Variants in CNTN5 observed in about 807,000 individuals in gnomAD.
The protein encoded by CNTN5 is contactin 5.
Under a neutral mutation model 129.1 loss-of-function variants are expected in CNTN5, and 77 were observed. The observed-to-expected ratio is 0.60, with a 90% CI of 0.50 to 0.72. The LOEUF is 0.72. Ranked by LOEUF, CNTN5 falls within the 30% of genes least tolerant of loss-of-function variation. The probability of loss-of-function intolerance (pLI) is 0.00; values close to 1 mark genes in which losing one functional copy is unlikely to be tolerated. For synonymous variants in CNTN5, 509 were observed against 465.6 expected (o/e 1.09, Z -1.20); for missense variants, 1,478 against 1,328.8 (o/e 1.11, Z -1.75).
intron 3 of CNTN5, among the ~76,000 whole-genome samples, chr11:99,580,894 T>G (rs550910319): frequency 7.0e-6 from 1 of 142,462 alleles, no homozygotes; most frequent in Non-Finnish European, 1.5e-5. Flanking sequence ...TGTTTGCTCT[T>G]GCTTCTCTAG....
chr11:99,324,507 G>T (rs1387867053), intron 1 of CNTN5, among the ~76,000 whole-genome samples: 1 of 152,176 alleles, frequency 6.6e-6, no homozygotes, highest in Non-Finnish European at 1.5e-5. Context: ...TATGTTATTA[G>T]ATTCTTATTT....
At chr11:99,614,984 G>A (rs1298512997) in intron 3 of CNTN5, among the ~76,000 whole-genome samples, 1 of 150,618 alleles carries the variant, frequency 6.6e-6, no homozygotes, top group Non-Finnish European at 1.5e-5. Flanking sequence ...GGTAGGTAGG[G>A]AGACAGATAA....
At chr11:99,027,841 C>A (rs1591066166) in intron 1 of CNTN5, among the ~76,000 whole-genome samples, 2 of 151,704 alleles carry the variant, frequency 1.3e-5, no homozygotes, top group Non-Finnish European at 3.0e-5. Flanking sequence ...AGTTTTAAGA[C>A]TTTTTCTTTA....
At chr11:99,679,729 C>T (rs753965346) in intron 3 of CNTN5, among the ~76,000 whole-genome samples, 2 of 152,202 alleles carry the variant, frequency 1.3e-5, no homozygotes, top group Non-Finnish European at 2.9e-5. Context: ...AACAGTTACA[C>T]TTCTCTCACA....
At chr11:100,267,111 G>T (rs1489599487) in intron 17 of CNTN5, among the ~76,000 whole-genome samples, 3 of 152,054 alleles carry the variant, frequency 2.0e-5, no homozygotes, top group Non-Finnish European at 4.4e-5. Flanking sequence ...ACTATGGCAG[G>T]GTCAGTGTAT....
At chr11:99,322,024 G>T (rs2135998991) in intron 1 of CNTN5, among the ~76,000 whole-genome samples, 1 of 152,230 alleles carries the variant, frequency 6.6e-6, no homozygotes. Context: ...ATTGTAGAGT[G>T]TCCATAAACT....
chr11:99,735,352 G>C (rs967098426), intron 3 of CNTN5, among the ~76,000 whole-genome samples: 1 of 152,108 alleles, frequency 6.6e-6, no homozygotes, highest in African/African-American at 2.4e-5. Context: ...TTTCTCAATA[G>C]TAAAACTTGA....
chr11:99,468,454 C>G (rs927752498), intron 2 of CNTN5, among the ~76,000 whole-genome samples: 2 of 152,146 alleles, frequency 1.3e-5, no homozygotes, highest in Non-Finnish European at 2.9e-5. Flanking sequence ...TTTTCTCTCA[C>G]CCCCAACAAT....
At chr11:99,555,339 A>T (rs1948629715) in intron 2 of CNTN5, among the ~76,000 whole-genome samples, 1 of 152,028 alleles carries the variant, frequency 6.6e-6, no homozygotes, top group African/African-American at 2.4e-5. Flanking sequence ...ACACGTGAAA[A>T]TTCTGGAGGT....
chr11:99,639,559 G>GTTTTT (rs71050010), intron 3 of CNTN5, among the ~76,000 whole-genome samples: 2,056 of 70,190 alleles, frequency 0.029, 111 homozygotes, highest in Middle Eastern at 0.056. Flanking sequence ...TCACCTTTAT[G>GTTTTT]TTTTTTTTTT....
intron 3 of CNTN5, among the ~76,000 whole-genome samples, chr11:99,666,936 GT>G (rs1952816066): frequency 6.6e-6 from 1 of 152,024 alleles, no homozygotes; most frequent in East Asian, 1.9e-4. Context: ...AAAATACATG[GT>G]TTTTAATTGA....
At chr11:99,765,785 C>T (rs1944733866) in intron 3 of CNTN5, among the ~76,000 whole-genome samples, 2 of 151,418 alleles carry the variant, frequency 1.3e-5, no homozygotes, top group South Asian at 2.1e-4. Context: ...TAGAAGGGTA[C>T]ACAAAAGGAA....
intron 2 of CNTN5, among the ~76,000 whole-genome samples, chr11:99,490,125 CTTATA>C (rs1319093697): frequency 6.6e-6 from 1 of 152,034 alleles, no homozygotes; most frequent in Non-Finnish European, 1.5e-5. Flanking sequence ...GTATTGGGGA[CTTATA>C]TTTAATATGC....
chr11:100,120,994 A>G (rs750482884), intron 13 of CNTN5, among the ~76,000 whole-genome samples: 5 of 151,958 alleles, frequency 3.3e-5, no homozygotes, highest in Admixed American at 2.0e-4. Context: ...TCGCCTTCAG[A>G]AAGTTTGCTG....
chr11:99,737,672 T>G (rs1943755123), intron 3 of CNTN5, among the ~76,000 whole-genome samples: 1 of 152,152 alleles, frequency 6.6e-6, no homozygotes, highest in Admixed American at 6.5e-5. Context: ...GAGGCATAAT[T>G]TATTCTATTT....
intron 2 of CNTN5, among the ~76,000 whole-genome samples, chr11:99,485,608 A>C (rs886806354): frequency 6.6e-6 from 1 of 151,508 alleles, no homozygotes; most frequent in African/African-American, 2.4e-5. Flanking sequence ...AAGTTTATTG[A>C]TTAATAAAAG....
intron 1 of CNTN5, among the ~76,000 whole-genome samples, chr11:99,195,199 G>A (rs2135602321): frequency 1.3e-5 from 2 of 151,660 alleles, no homozygotes; most frequent in Admixed American, 1.3e-4. Flanking sequence ...TTATATTTTA[G>A]CAGGTAAAAA....
chr11:100,006,303 A>G (rs1028560458), intron 9 of CNTN5, among the ~76,000 whole-genome samples: 4 of 152,118 alleles, frequency 2.6e-5, no homozygotes, highest in Non-Finnish European at 5.9e-5. Context: ...AATTTATTAA[A>G]AGAAGACAAC....
chr11:99,651,717 C>G (rs1211090288), intron 3 of CNTN5, among the ~76,000 whole-genome samples: 1 of 151,930 alleles, frequency 6.6e-6, no homozygotes, highest in African/African-American at 2.4e-5. Context: ...TTTATCAGCA[C>G]TTACTTTTTA....
Sources: allele counts gnomAD v4.1 joint callset (sites outside exome capture counted in the v4.1 genomes callset), GRCh38; gene constraint gnomAD v4.1.1; transcripts MANE v1.5; gene names NCBI Gene and HGNC (gene_info 2026-07-23, HGNC 2026-07-21).